Variants in LARP4B observed in about 807,000 individuals in gnomAD.
The protein encoded by LARP4B is la-related protein 4B.
LARP4B carries 12 observed loss-of-function variants against 89.8 expected under a neutral mutation model. The observed-to-expected ratio is 0.13, with a 90% CI of 0.09 to 0.22. The LOEUF is 0.22. LARP4B is among the 10% of genes least tolerant of loss of function. The pLI is 1.00. For missense variants in LARP4B, 757 were observed against 947.7 expected, an observed-to-expected ratio of 0.80 and a Z score of 2.64; for synonymous variants, 367 against 363.3, an observed-to-expected ratio of 1.01 and a Z score of -0.12.
the LARP4B span, among the ~76,000 whole-genome samples, chr10:976,802 G>A: frequency 1.3e-5 from 2 of 149,970 alleles, no homozygotes; most frequent in Non-Finnish European, 3.0e-5. Context: ...GTCATGTAAT[G>A]TGTGGACCCG....
At chr10:941,864 C>T in the LARP4B span, among the ~76,000 whole-genome samples, 403 of 152,210 alleles carry the variant, frequency 2.6e-3, 6 homozygotes, top group Non-Finnish European at 6.5e-4. Context: ...CAGCCTCTAA[C>T]TCCTGGGCTC....
intron 3 of LARP4B, among the ~76,000 whole-genome samples, chr10:876,306 C>T (rs1351814519): frequency 6.6e-6 from 1 of 152,056 alleles, no homozygotes; most frequent in Non-Finnish European, 1.5e-5. Context: ...ATCGCTTGAA[C>T]CCAGCGGGTC....
chr10:885,937 T>C (rs1423777305), intron 1 of LARP4B, among the ~76,000 whole-genome samples, 177 bp from the exon 2 acceptor site: 1 of 152,216 alleles, frequency 6.6e-6, no homozygotes, highest in Non-Finnish European at 1.5e-5. Flanking sequence ...CTTAATTTTT[T>C]AAATAAGTAA....
At chr10:923,024 G>A (rs1004468885) in intron 1 of LARP4B, among the ~76,000 whole-genome samples, 4 of 151,878 alleles carry the variant, frequency 2.6e-5, no homozygotes, top group African/African-American at 4.8e-5. Context: ...CCAGTGAGCG[G>A]AGACTGTGCC....
At chr10:896,383 A>G (rs1271134926) in intron 1 of LARP4B, among the ~76,000 whole-genome samples, 1 of 152,228 alleles carries the variant, frequency 6.6e-6, no homozygotes, top group African/African-American at 2.4e-5. Flanking sequence ...AATAAAATAA[A>G]TTACCTGAGG....
chr10:899,084 A>G (rs183210343), intron 1 of LARP4B, among the ~76,000 whole-genome samples: 32 of 152,298 alleles, frequency 2.1e-4, no homozygotes, highest in Admixed American at 9.2e-4. Context: ...GCATGTAAAG[A>G]TAAGCATCTT....
intron 1 of LARP4B, among the ~76,000 whole-genome samples, chr10:911,405 A>T (rs1207412319): frequency 6.6e-6 from 1 of 151,940 alleles, no homozygotes; most frequent in Non-Finnish European, 1.5e-5. Context: ...GTTTCTGGGA[A>T]CTCTTTTCAG....
chr10:811,652 T>C lies in LARP4B; in HGVS notation c.*1274A>G, dbSNP rs558689465. The C allele has an allele frequency of 2.6e-5, 4 of 152,618 alleles. No individual in the cohort carries two copies. Among genetic ancestry groups the C allele is most frequent in the Non-Finnish European group, 5.9e-5 (4 of 68,036 alleles). 9.5% of individuals were successfully genotyped at this position (152,618 alleles called of 1,614,324 possible). A position where few individuals can be genotyped will look rare whatever the true frequency, so the allele number is the denominator to read the frequency against. ...TAAATAAAATTCAAGTCTTTAAATA[T>C]TGGATGGAAATAATTTTTTCTTAAA... On this transcript the variant is annotated 3_prime_UTR_variant, in exon 18 of 18. Transcript: ENST00000316157.
chr10:966,971 G>A, the LARP4B span, among the ~76,000 whole-genome samples: 3 of 152,198 alleles, frequency 2.0e-5, no homozygotes, highest in South Asian at 2.1e-4. Flanking sequence ...AAGGATTATC[G>A]TCTCCAAGAC....
chr10:896,867 T>G (rs1836203570), intron 1 of LARP4B, among the ~76,000 whole-genome samples: 1 of 152,148 alleles, frequency 6.6e-6, no homozygotes, highest in Non-Finnish European at 1.5e-5. Context: ...TCCATGTTTA[T>G]GAAGAGGAAG....
intron 3 of LARP4B, among the ~76,000 whole-genome samples, chr10:881,776 G>T (rs1835675539): frequency 6.6e-6 from 1 of 152,194 alleles, no homozygotes; most frequent in Non-Finnish European, 1.5e-5. Context: ...ACCTCCAGGT[G>T]TACGCTCATC....
At chr10:847,346 C>T (rs1357137720) in intron 5 of LARP4B, among the ~76,000 whole-genome samples, 1 of 151,980 alleles carries the variant, frequency 6.6e-6, no homozygotes, top group African/African-American at 2.4e-5. Context: ...AGGTTGGGCA[C>T]ATGGTGTTGG....
chr10:863,454 C>T (rs1834730604), intron 5 of LARP4B, among the ~76,000 whole-genome samples: 1 of 152,016 alleles, frequency 6.6e-6, no homozygotes, highest in African/African-American at 2.4e-5. Flanking sequence ...TGGTCTTGAT[C>T]TCCTGACCTC....
intron 15 of LARP4B, among the ~76,000 whole-genome samples, chr10:816,923 A>C (rs576752991): frequency 6.6e-6 from 1 of 152,282 alleles, no homozygotes; most frequent in African/African-American, 2.4e-5. Context: ...CTGACTCTGC[A>C]GACCTGGGTG....
At chr10:920,364 A>T (rs1836945971) in intron 1 of LARP4B, among the ~76,000 whole-genome samples, 1 of 152,264 alleles carries the variant, frequency 6.6e-6, no homozygotes, top group Non-Finnish European at 1.5e-5. Context: ...TTATTTTCAC[A>T]AACTAGTTAC....
the LARP4B span, among the ~76,000 whole-genome samples, chr10:938,109 C>T: frequency 6.6e-6 from 1 of 151,996 alleles, no homozygotes; most frequent in African/African-American, 2.4e-5. Context: ...GTCTCGAACT[C>T]CTGGACTCAA....
At chr10:944,394 G>A in the LARP4B span, among the ~76,000 whole-genome samples, 8 of 152,226 alleles carry the variant, frequency 5.3e-5, no homozygotes, top group African/African-American at 1.9e-4. Context: ...GCTCCCAGAA[G>A]AGGTTGGAGG....
At chr10:833,466 A>G in intron 8 of LARP4B, among the ~76,000 whole-genome samples, 1 of 152,172 alleles carries the variant, frequency 6.6e-6, no homozygotes, top group East Asian at 1.9e-4. Context: ...TCCCAAACAA[A>G]AGGAGGGGAA....
At chr10:935,722 C>CTTTTTTTTTTTTTTTTTTT (rs10711022), upstream of LARP4B, among the ~76,000 whole-genome samples, 1 of 83,918 alleles carries the variant, frequency 1.2e-5, no homozygotes, top group African/African-American at 4.4e-5. Flanking sequence ...CTTTTCTTTT[C>CTTTTTTTTTTTTTTTTTTT]TTTTTTTTTT....
Sources: gnomAD v4.1 joint callset for allele counts (sites outside exome capture counted in the v4.1 genomes callset) on GRCh38, gnomAD v4.1.1 for gene constraint, MANE v1.5 for transcripts, NCBI Gene and HGNC (gene_info 2026-07-23, HGNC 2026-07-21) for gene names.